Variants in CHCHD6 observed in about 807,000 individuals in gnomAD.
CHCHD6 encodes MICOS complex subunit MIC25.
A neutral mutation model predicts 32.3 loss-of-function variants in CHCHD6; 28 were observed. The ratio of observed to expected loss-of-function variants is 0.87; its 90% CI spans 0.64 to 1.19. CHCHD6 has a LOEUF of 1.19. Among genes scored for constraint, CHCHD6 ranks in the 50% most tolerant of loss-of-function variants. The probability of loss-of-function intolerance (pLI) is 0.00; values close to 1 mark genes in which losing one functional copy is unlikely to be tolerated. For synonymous variants in CHCHD6, 122 were observed against 117.5 expected (o/e 1.04, Z -0.25); for missense variants, 333 against 307.0 (o/e 1.08, Z -0.63).
intron 5 of CHCHD6, among the ~76,000 whole-genome samples, chr3:126,906,669 C>G (rs2078012547): frequency 1.3e-5 from 2 of 152,218 alleles, no homozygotes; most frequent in South Asian, 4.1e-4. Flanking sequence ...ATACCCCTAC[C>G]TTGTTGTTCC....
intron 4 of CHCHD6, among the ~76,000 whole-genome samples, chr3:126,776,993 T>A (rs200728872): frequency 6.6e-6 from 1 of 152,112 alleles, no homozygotes; most frequent in Non-Finnish European, 1.5e-5. Flanking sequence ...CATTATTGCC[T>A]CCCTGCCGCT....
chr3:126,905,347 A>G (rs1324138600), intron 5 of CHCHD6, among the ~76,000 whole-genome samples: 2 of 152,206 alleles, frequency 1.3e-5, no homozygotes, highest in Non-Finnish European at 2.9e-5. Flanking sequence ...TTCAGCAGAG[A>G]TGACCTTGTT....
At chr3:126,783,417 T>G (rs1423465511) in intron 4 of CHCHD6, among the ~76,000 whole-genome samples, 1 of 152,216 alleles carries the variant, frequency 6.6e-6, no homozygotes, top group Non-Finnish European at 1.5e-5. Flanking sequence ...TCTTGCCACT[T>G]CTATTCAACA....
chr3:126,794,754 T>C (rs1183413275), intron 4 of CHCHD6, among the ~76,000 whole-genome samples: 4 of 152,218 alleles, frequency 2.6e-5, no homozygotes, highest in Non-Finnish European at 5.9e-5. Context: ...TTTCTGCTAT[T>C]GTTGGACTTC....
At chr3:126,957,822 TAA>T in intron 7 of CHCHD6, 1 of 538,952 alleles carries the variant, frequency 1.9e-6, no homozygotes, top group Non-Finnish European at 3.4e-6. Flanking sequence ...GCAGGCTGGG[TAA>T]AGTCAGGCCC....
At chr3:126,787,860 A>G (rs1350685356) in intron 4 of CHCHD6, among the ~76,000 whole-genome samples, 4 of 152,094 alleles carry the variant, frequency 2.6e-5, no homozygotes, top group Admixed American at 2.0e-4. Flanking sequence ...TTCCAACACT[A>G]TGTTGAATAG....
intron 1 of CHCHD6, among the ~76,000 whole-genome samples, chr3:126,710,845 A>C (rs1934717880): frequency 6.6e-6 from 1 of 152,158 alleles, no homozygotes. Context: ...TGGATTTCTT[A>C]GGCCTTTTTA....
chr3:126,926,019 G>A, intron 6 of CHCHD6, among the ~76,000 whole-genome samples: 1 of 152,158 alleles, frequency 6.6e-6, no homozygotes, highest in East Asian at 1.9e-4. Flanking sequence ...CCGCTGCAGA[G>A]CACAGACGCA....
chr3:126,931,180 A>C (rs1184852680), intron 6 of CHCHD6, among the ~76,000 whole-genome samples: 1 of 152,074 alleles, frequency 6.6e-6, no homozygotes, highest in Non-Finnish European at 1.5e-5. Context: ...GACTGGCCGC[A>C]CCCCTGGGGA....
Position 126,801,760 on chromosome 3 carries a change from T to A in CHCHD6, c.412-50887T>A, listed in dbSNP as rs1170305628. ...ATCTGAGAACGGGCAGACTGCCTCC[T>A]CAAGTGGGTCCCTGACCCCTGACCC... On this transcript the variant is annotated intron_variant, in intron 4 of 7. Transcript: ENST00000290913. 3.9e-5 allele frequency among the ~76,000 whole-genome samples: 6 copies of A among 152,326 alleles called. No homozygotes were observed. The East Asian group carries it at 9.7e-4, about 25-fold the overall frequency.
chr3:126,847,251 T>G (rs1018901202), intron 4 of CHCHD6, among the ~76,000 whole-genome samples: 34 of 152,264 alleles, frequency 2.2e-4, no homozygotes, highest in African/African-American at 7.9e-4. Flanking sequence ...AAGGCTCCAC[T>G]GGGGGAGGGT....
chr3:126,727,589 C>T (rs937254688), intron 2 of CHCHD6, among the ~76,000 whole-genome samples: 20 of 152,232 alleles, frequency 1.3e-4, no homozygotes, highest in African/African-American at 4.8e-4. Flanking sequence ...AGGAGAATTC[C>T]GTCAGTGATT....
chr3:126,957,571 C>T lies in CHCHD6; in HGVS notation c.702+20C>T. ...CACAAGGTAAGGCCTTGCCTGCCTC[C>T]CAGGTTTCCAAGGGCCTTGGGAGGT... On this transcript the variant is annotated intron_variant, in intron 7 of 7. Coordinates refer to ENST00000290913, the MANE Select transcript of CHCHD6 (RefSeq NM_032343.3). 1 of 1,554,174 alleles carries T rather than the reference C, an allele frequency of 6.4e-7. No homozygotes were observed. The highest frequency in any genetic ancestry group is 1.2e-5 in the South Asian group (1 of 84,436).
chr3:126,799,640 G>A (rs373039487), intron 4 of CHCHD6, among the ~76,000 whole-genome samples: 8 of 152,142 alleles, frequency 5.3e-5, no homozygotes, highest in Non-Finnish European at 1.0e-4. Context: ...GGTGTCTCTC[G>A]TGTACCCCAC....
chr3:126,753,522 A>C (rs1475534086), intron 4 of CHCHD6, among the ~76,000 whole-genome samples: 3 of 152,094 alleles, frequency 2.0e-5, no homozygotes, highest in African/African-American at 7.2e-5. Context: ...TAAACATTGG[A>C]CGGGGCCTCT....
chr3:126,758,170 C>T (rs1020901465), intron 4 of CHCHD6, among the ~76,000 whole-genome samples: 2 of 152,212 alleles, frequency 1.3e-5, no homozygotes, highest in Non-Finnish European at 2.9e-5. Flanking sequence ...TTAAAAGGCC[C>T]CAGCTAAATA....
chr3:126,945,474 G>A (rs562137974), intron 6 of CHCHD6, among the ~76,000 whole-genome samples: 4 of 150,876 alleles, frequency 2.7e-5, no homozygotes, highest in South Asian at 2.2e-4. Context: ...GGGGAAAGTC[G>A]GGAACAGGGA....
At chr3:126,953,417 A>G (rs1312998562) in intron 6 of CHCHD6, among the ~76,000 whole-genome samples, 2 of 152,168 alleles carry the variant, frequency 1.3e-5, no homozygotes, top group African/African-American at 4.8e-5. Context: ...CCACCCTCCA[A>G]GCCCTACGTT....
chr3:126,893,422 T>A (rs1316651193), intron 5 of CHCHD6, among the ~76,000 whole-genome samples: 3 of 152,240 alleles, frequency 2.0e-5, no homozygotes, highest in Admixed American at 6.5e-5. Flanking sequence ...TCTAGCCCTG[T>A]GGGAATTGGC....
Sources: allele counts gnomAD v4.1 joint callset (sites outside exome capture counted in the v4.1 genomes callset), GRCh38; gene constraint gnomAD v4.1.1; transcripts MANE v1.5; gene names NCBI Gene and HGNC (gene_info 2026-07-23, HGNC 2026-07-21).